HS6ST2: variants seen among roughly 807,000 people sequenced by gnomAD.
HS6ST2 encodes heparan-sulfate 6-O-sulfotransferase 2.
HS6ST2 carries 17 observed loss-of-function variants against 33.0 expected under a neutral mutation model. The observed-to-expected ratio is 0.52, with a 90% confidence interval of 0.35 to 0.77. The LOEUF is 0.77. HS6ST2 is among the 30% of genes least tolerant of loss of function. HS6ST2 has a pLI of 0.01. For synonymous variants in HS6ST2, 248 were observed against 237.1 expected, an observed-to-expected ratio of 1.05 and a Z score of -0.42; for missense variants, 519 against 551.7, an observed-to-expected ratio of 0.94 and a Z score of 0.59.
intron 2 of HS6ST2, among the ~76,000 whole-genome samples, chrX:132,772,235 T>C (rs2064907812): frequency 9.0e-6 from 1 of 111,234 alleles, no homozygotes; most frequent in African/African-American, 3.3e-5. Context: ...ACAGAAGCAG[T>C]TTCTGCACAG....
At chrX:132,946,817 A>G (rs769912552) in intron 2 of HS6ST2, among the ~76,000 whole-genome samples, 2 of 111,984 alleles carry the variant, frequency 1.8e-5, no homozygotes, top group East Asian at 2.8e-4. Context: ...GAGAAAATAT[A>G]TAATATGCTC....
intron 3 of HS6ST2, among the ~76,000 whole-genome samples, chrX:132,680,536 C>T (rs1364236889): frequency 9.0e-6 from 1 of 111,340 alleles, no homozygotes; most frequent in Non-Finnish European, 1.9e-5. Flanking sequence ...GAAGAGATTA[C>T]ATGAGGAGAG....
intron 2 of HS6ST2, among the ~76,000 whole-genome samples, chrX:132,939,388 G>A (rs1485733585): frequency 9.0e-6 from 1 of 110,785 alleles, no homozygotes; most frequent in Non-Finnish European, 1.9e-5. Flanking sequence ...ACTCTGGGAG[G>A]CCAAGGCGGG....
chrX:132,820,626 C>T (rs1032973887), intron 2 of HS6ST2, among the ~76,000 whole-genome samples: 1 of 111,872 alleles, frequency 8.9e-6, no homozygotes, highest in Non-Finnish European at 1.9e-5. Context: ...GCAAAAGGAG[C>T]TTCAGATGGC....
chrX:132,912,881 A>G (rs1213226792), intron 2 of HS6ST2, among the ~76,000 whole-genome samples: 1 of 111,957 alleles, frequency 8.9e-6, no homozygotes, highest in Non-Finnish European at 1.9e-5. Flanking sequence ...CCCATCTGGC[A>G]TGCTTTCCTT....
At chrX:132,929,929 C>T (rs767523343) in intron 2 of HS6ST2, among the ~76,000 whole-genome samples, 4 of 111,315 alleles carry the variant, frequency 3.6e-5, no homozygotes, top group African/African-American at 1.3e-4. Context: ...CCCCTCTTCC[C>T]CCAGAGACAT....
intron 2 of HS6ST2, among the ~76,000 whole-genome samples, chrX:132,817,173 T>A (rs914406471): frequency 9.0e-6 from 1 of 111,148 alleles, no homozygotes; most frequent in African/African-American, 3.3e-5. Flanking sequence ...AGGATTCGCA[T>A]CTCCCCCCAC....
intron 2 of HS6ST2, among the ~76,000 whole-genome samples, chrX:132,787,305 T>A (rs1414337936): frequency 1.5e-4 from 14 of 93,535 alleles, no homozygotes; most frequent in Non-Finnish European, 2.1e-4. Context: ...ATATATATAT[T>A]TTTTCAATAC....
intron 2 of HS6ST2, among the ~76,000 whole-genome samples, chrX:132,868,507 T>C (rs893780556): frequency 8.9e-6 from 1 of 111,934 alleles, no homozygotes; most frequent in African/African-American, 3.2e-5. Context: ...GCACTTATTC[T>C]AAAACTGACC....
chrX:132,801,565 G>A (rs2065235232), intron 2 of HS6ST2, among the ~76,000 whole-genome samples: 1 of 111,678 alleles, frequency 9.0e-6, no homozygotes, highest in Admixed American at 9.5e-5. Context: ...CAGGCCAGTA[G>A]AATTGCAGCG....
At chrX:132,820,405 G>A (rs1288019504) in intron 2 of HS6ST2, among the ~76,000 whole-genome samples, 4 of 111,793 alleles carry the variant, frequency 3.6e-5, no homozygotes, top group African/African-American at 1.3e-4. Flanking sequence ...GTAGATGGAG[G>A]TAGGTAGGAG....
intron 2 of HS6ST2, among the ~76,000 whole-genome samples, chrX:132,859,829 A>G (rs190796729): frequency 3.3e-3 from 313 of 95,884 alleles, no homozygotes; most frequent in Middle Eastern, 5.6e-3. Flanking sequence ...AGGGAGGGAC[A>G]GAGGGAAGGA....
intron 2 of HS6ST2, among the ~76,000 whole-genome samples, chrX:132,723,830 A>G (rs1209871466): frequency 8.9e-6 from 1 of 112,187 alleles, no homozygotes; most frequent in Non-Finnish European, 1.9e-5. Flanking sequence ...GCATAATCAG[A>G]CAAGAGAATG....
chrX:132,656,562 G>A (rs2148188171), intron 4 of HS6ST2, among the ~76,000 whole-genome samples: 1 of 111,990 alleles, frequency 8.9e-6, no homozygotes, highest in African/African-American at 3.2e-5. Context: ...CACCCAAGCA[G>A]TGTACATTGT....
intron 2 of HS6ST2, among the ~76,000 whole-genome samples, chrX:132,798,662 T>G (rs954327974): frequency 1.8e-5 from 2 of 111,852 alleles, no homozygotes; most frequent in Non-Finnish European, 3.8e-5. Flanking sequence ...CTTTTGAGTT[T>G]GCATAATAAA....
At chrX:132,928,545 A>G (rs1355999972) in intron 2 of HS6ST2, among the ~76,000 whole-genome samples, 2 of 105,929 alleles carry the variant, frequency 1.9e-5, no homozygotes, top group African/African-American at 6.9e-5. Flanking sequence ...ACCTCCAATT[A>G]TTGTGGATTA....
intron 2 of HS6ST2, among the ~76,000 whole-genome samples, chrX:132,794,580 T>G (rs201062082): frequency 0.045 from 2,994 of 66,234 alleles, 66 homozygotes; most frequent in East Asian, 0.097. Flanking sequence ...TGATGATTAT[T>G]ATTATTATTA....
At chrX:132,921,070 A>C (rs1366025656) in intron 2 of HS6ST2, among the ~76,000 whole-genome samples, 4 of 112,592 alleles carry the variant, frequency 3.6e-5, no homozygotes, top group Non-Finnish European at 7.5e-5. Flanking sequence ...CTATTGCAAT[A>C]ATCTCTGCAG....
intron 2 of HS6ST2, among the ~76,000 whole-genome samples, chrX:132,780,977 C>A (rs1402284515): frequency 1.8e-5 from 2 of 111,932 alleles, no homozygotes; most frequent in African/African-American, 6.5e-5. Context: ...AATCTACACA[C>A]CATCTAGGTG....
Sources: gnomAD v4.1 joint callset for allele counts (sites outside exome capture counted in the v4.1 genomes callset) on GRCh38, gnomAD v4.1.1 for gene constraint, MANE v1.5 for transcripts, NCBI Gene and HGNC (gene_info 2026-07-23, HGNC 2026-07-21) for gene names.